The following RABGAP1L variants were observed in gnomAD, a reference collection of about 807,000 sequenced individuals.
RABGAP1L encodes rab GTPase-activating protein 1-like.
Under a neutral mutation model 137.7 loss-of-function variants are expected in RABGAP1L, and 63 were observed. That is an observed-to-expected ratio of 0.46 (90% CI 0.37 to 0.56). The LOEUF is 0.56. Ranked by LOEUF, RABGAP1L falls within the 20% of genes least tolerant of loss-of-function variation. The pLI, the probability that RABGAP1L is intolerant of heterozygous loss-of-function variation, is 0.00. For missense variants in RABGAP1L, 1,095 were observed against 1,244.0 expected (o/e 0.88, Z 1.80); for synonymous variants, 431 against 433.7 (o/e 0.99, Z 0.08).
intron 19 of RABGAP1L, among the ~76,000 whole-genome samples, chr1:174,839,945 A>G (rs538997119): frequency 4.3e-4 from 65 of 152,250 alleles, no homozygotes; most frequent in Admixed American, 2.7e-3. Flanking sequence ...AGATATAGAC[A>G]GTGTAGAACA....
intron 24 of RABGAP1L, among the ~76,000 whole-genome samples, chr1:174,986,959 A>G (rs960326783): frequency 2.6e-5 from 4 of 152,256 alleles, no homozygotes; most frequent in East Asian, 1.9e-4. Flanking sequence ...ATACACAACA[A>G]ATATTTACAA....
chr1:174,792,458 A>G (rs1687931664), intron 18 of RABGAP1L, among the ~76,000 whole-genome samples: 2 of 152,210 alleles, frequency 1.3e-5, no homozygotes, highest in African/African-American at 4.8e-5. Flanking sequence ...TCACGTGGAA[A>G]AAAAGAAGTA....
At chr1:174,884,979 A>G (rs907203536) in intron 19 of RABGAP1L, among the ~76,000 whole-genome samples, 2 of 152,210 alleles carry the variant, frequency 1.3e-5, no homozygotes, top group African/African-American at 4.8e-5. Flanking sequence ...GCCCCTGAGC[A>G]CACACTCAAA....
At chr1:174,506,159 T>C (rs1661795876) in intron 13 of RABGAP1L, among the ~76,000 whole-genome samples, 1 of 152,178 alleles carries the variant, frequency 6.6e-6, no homozygotes, top group Non-Finnish European at 1.5e-5. Flanking sequence ...AAGATGTTGG[T>C]CAAGGGACAC....
Position 174,275,894 on chromosome 1 carries a change from A to G in RABGAP1L, c.1115A>G (p.Asn372Ser), listed in dbSNP as rs141892306. 99 of 1,613,016 alleles carry G rather than the reference A, an allele frequency of 6.1e-5. No homozygotes were observed. The highest frequency in any genetic ancestry group is 7.5e-5 in the Non-Finnish European group (89 of 1,179,400). Residue 372 changes from asparagine to serine, a missense_variant, in exon 9 of 26, where the codon AAT (asparagine) becomes AGT (serine). This residue lies in a region of RABGAP1L where 112 missense variants were observed against 157.3 expected (regional missense o/e 0.71). Coordinates refer to ENST00000681986, the MANE Select transcript of RABGAP1L (RefSeq NM_001366446.1). ...GTCATCACTGGCATGTGGAACCCCA[A>G]TGCACCAGTATTTCTGGCACTTAAC... ...AYVITGMWNP[N>S]APVFLALNEE...
chr1:174,913,699 C>G (rs549232787), intron 19 of RABGAP1L, among the ~76,000 whole-genome samples: 1 of 152,238 alleles, frequency 6.6e-6, no homozygotes, highest in South Asian at 2.1e-4. Flanking sequence ...TATAAATGAG[C>G]TGTCTGCAAA....
intron 19 of RABGAP1L, among the ~76,000 whole-genome samples, chr1:174,905,605 C>G (rs559183562): frequency 1.3e-5 from 2 of 152,154 alleles, no homozygotes; most frequent in East Asian, 3.9e-4. Flanking sequence ...AATCCCAGCA[C>G]TTTAGGAGGC....
chr1:174,339,390 G>C (rs1026313956), intron 11 of RABGAP1L, among the ~76,000 whole-genome samples: 10 of 152,104 alleles, frequency 6.6e-5, no homozygotes, highest in African/African-American at 2.4e-4. Flanking sequence ...TTCTCATTTG[G>C]TCATTTAAGT....
intron 17 of RABGAP1L, 102 bp downstream of exon 17, chr1:174,702,358 A>G: frequency 3.1e-6 from 3 of 959,848 alleles, no homozygotes; most frequent in Non-Finnish European, 4.4e-6. Flanking sequence ...ACATTAAGCC[A>G]TAAATACTCA....
intron 12 of RABGAP1L, among the ~76,000 whole-genome samples, chr1:174,388,035 G>A (rs570543177): frequency 6.6e-6 from 1 of 152,034 alleles, no homozygotes; most frequent in Non-Finnish European, 1.5e-5. Context: ...TGAAACATTC[G>A]ATTTAGAAAT....
rs759981032 is a variant in RABGAP1L, at chr1:174,231,283, C to G, written c.470C>G (p.Thr157Ser). The stretch of plus-strand genomic sequence containing the variant: ...GTAGAGGCTTTACGGGCAATGGCAA[C>G]CATGAAATCTTCCAGTCAATACCCC... Reference protein sequence around the residue: ...NEVEALRAMATMKSSSQYPFP... With the variant: ...NEVEALRAMASMKSSSQYPFP... Residue 157 changes from threonine (T) to serine (S), a missense_variant, in exon 4 of 26, where the codon ACC (threonine) becomes AGC (serine). Thr to Ser is a moderately conservative substitution (Grantham distance 58, BLOSUM62 1). This residue lies in a region of RABGAP1L where 356 missense variants were observed against 326.3 expected (regional missense o/e 1.09). Coordinates refer to ENST00000681986, the MANE Select transcript of RABGAP1L (RefSeq NM_001366446.1). 1 of 1,614,172 alleles carries G rather than the reference C, an allele frequency of 6.2e-7. No individual in the cohort carries two copies. The highest frequency in any genetic ancestry group is 8.5e-7 in the Non-Finnish European group (1 of 1,180,024).
intron 12 of RABGAP1L, among the ~76,000 whole-genome samples, chr1:174,383,101 C>T (rs866383678): frequency 8.0e-5 from 12 of 150,818 alleles, no homozygotes; most frequent in Non-Finnish European, 1.2e-4. Flanking sequence ...TTAGGCTGCT[C>T]GGGGGTCAGG....
chr1:174,191,721 C>G (rs957881818), intron 1 of RABGAP1L, among the ~76,000 whole-genome samples: 1 of 152,176 alleles, frequency 6.6e-6, no homozygotes, highest in Non-Finnish European at 1.5e-5. Context: ...AATCAGCTTG[C>G]TTACTGCCCT....
chr1:174,559,358 C>CA (rs1489062588), intron 13 of RABGAP1L, among the ~76,000 whole-genome samples: 1 of 152,070 alleles, frequency 6.6e-6, no homozygotes, highest in East Asian at 1.9e-4. Context: ...TTTACTTTAT[C>CA]AAAAAGAAGA....
chr1:174,827,124 ATCTC>A (rs1180762025), intron 19 of RABGAP1L, among the ~76,000 whole-genome samples: 4 of 150,544 alleles, frequency 2.7e-5, no homozygotes, highest in Admixed American at 6.6e-5. Context: ...CTGTGTCCTA[ATCTC>A]TCTCTGTCTT....
At chr1:174,372,022 A>C (rs1459580665) in intron 12 of RABGAP1L, among the ~76,000 whole-genome samples, 2 of 152,096 alleles carry the variant, frequency 1.3e-5, no homozygotes, top group South Asian at 2.1e-4. Flanking sequence ...TGGGCCTGTT[A>C]TTGTTTTTAA....
At chr1:174,569,730 G>A (rs1473167021) in intron 13 of RABGAP1L, among the ~76,000 whole-genome samples, 5 of 152,194 alleles carry the variant, frequency 3.3e-5, no homozygotes, top group Non-Finnish European at 7.3e-5. Context: ...TCCAGAGATG[G>A]ATTCAAGAAT....
chr1:174,220,628 GCT>G (rs1558042489), intron 2 of RABGAP1L: 1 of 157,860 alleles, frequency 6.3e-6, no homozygotes, highest in Non-Finnish European at 1.4e-5. Flanking sequence ...AGATTGCACC[GCT>G]GCATTCCAGC....
At chr1:174,564,381 G>T (rs1402717504) in intron 13 of RABGAP1L, among the ~76,000 whole-genome samples, 4 of 152,002 alleles carry the variant, frequency 2.6e-5, no homozygotes, top group Non-Finnish European at 4.4e-5. Flanking sequence ...TACCATTTAG[G>T]ATATCAGCTA....
Sources: gnomAD v4.1 joint callset for allele counts (sites outside exome capture counted in the v4.1 genomes callset) on GRCh38, gnomAD v4.1.1 for gene constraint, gnomAD v4.1.1 regional missense constraint, MANE v1.5 for transcripts, NCBI Gene and HGNC (gene_info 2026-07-23, HGNC 2026-07-21) for gene names.